The following SLC4A7 variants were observed in gnomAD, a reference collection of about 807,000 sequenced individuals.
SLC4A7 encodes sodium bicarbonate cotransporter 3.
A neutral mutation model predicts 137.6 loss-of-function variants in SLC4A7; 51 were observed. That is an observed-to-expected ratio of 0.37 (90% CI 0.30 to 0.47). The LOEUF is 0.47. Among genes scored for constraint, SLC4A7 ranks in the 20% least tolerant of loss-of-function variants. The pLI is 1.00. For missense variants in SLC4A7, 1,247 were observed against 1,525.4 expected (o/e 0.82, Z 3.04); for synonymous variants, 542 against 518.6 (o/e 1.05, Z -0.61).
chr3:27,454,507 A>G (rs538798146), intron 1 of SLC4A7, among the ~76,000 whole-genome samples: 2 of 152,326 alleles, frequency 1.3e-5, no homozygotes, highest in Admixed American at 1.3e-4. Context: ...AGACAGACAA[A>G]TTAATCAAGC....
At chr3:27,461,197 T>G (rs1378234210) in intron 1 of SLC4A7, among the ~76,000 whole-genome samples, 1 of 125,264 alleles carries the variant, frequency 8.0e-6, no homozygotes, top group African/African-American at 3.0e-5. Flanking sequence ...AATGACAGAT[T>G]CATCCAATTA....
intron 1 of SLC4A7, 136 bp downstream of exon 1, chr3:27,483,931 G>C: frequency 1.7e-6 from 1 of 585,712 alleles, no homozygotes. Context: ...GAGGCGCGCC[G>C]GCCGCCGGGA....
chr3:27,430,045 G>A (rs1241794894), intron 7 of SLC4A7, among the ~76,000 whole-genome samples: 4 of 151,646 alleles, frequency 2.6e-5, no homozygotes, highest in African/African-American at 9.7e-5. Context: ...GCAAGATACC[G>A]TCTCTACAAA....
At chr3:27,394,873 A>T in intron 19 of SLC4A7, 81 bp downstream of exon 19, 2 of 1,537,150 alleles carry the variant, frequency 1.3e-6, no homozygotes, top group Non-Finnish European at 1.8e-6. Flanking sequence ...TTCATCTTAC[A>T]TCTTTTAATG....
intron 1 of SLC4A7, among the ~76,000 whole-genome samples, chr3:27,461,938 G>C (rs2058723228): frequency 6.6e-6 from 1 of 151,938 alleles, no homozygotes; most frequent in Admixed American, 6.6e-5. Context: ...CTCCAGCCTG[G>C]GAAACAGTGC....
Position 27,421,615 on chromosome 3 carries a change from T to C in SLC4A7, c.1424+7A>G. 4.4e-6 allele frequency: 7 copies of C among 1,607,352 alleles called. No individual in the cohort carries two copies. Among genetic ancestry groups the C allele is most frequent in the Non-Finnish European group, 5.1e-6 (6 of 1,176,702 alleles). ...TTAGAGAATGTTACTTGGAACTAAC[T>C]CTTTACCTGGTTGGAACAGGGACCT... On this transcript the variant is annotated splice_region_variant and intron_variant, in intron 9 of 25. Coordinates refer to ENST00000454389, the MANE Select transcript of SLC4A7 (RefSeq NM_001321103.2).
chr3:27,475,771 C>T (rs1381069512), intron 1 of SLC4A7, among the ~76,000 whole-genome samples: 1 of 152,064 alleles, frequency 6.6e-6, no homozygotes, highest in Non-Finnish European at 1.5e-5. Context: ...TAATTAAGGT[C>T]ATTTGGGAAT....
At chr3:27,409,218 G>T in intron 13 of SLC4A7, 138 bp downstream of exon 13, 1 of 601,908 alleles carries the variant, frequency 1.7e-6, no homozygotes, top group Non-Finnish European at 2.8e-6. Context: ...ATTACCTTTG[G>T]GGAAAGTCTG....
intron 7 of SLC4A7, among the ~76,000 whole-genome samples, chr3:27,427,330 T>C (rs200268821): frequency 7.4e-6 from 1 of 135,664 alleles, no homozygotes; most frequent in Non-Finnish European, 1.6e-5. Context: ...TTTTTTTTTT[T>C]ACTTTCCCTA....
intron 15 of SLC4A7, among the ~76,000 whole-genome samples, chr3:27,402,036 C>A (rs766592733): frequency 6.6e-6 from 1 of 152,024 alleles, no homozygotes; most frequent in African/African-American, 2.4e-5. Context: ...GGAAAGGCAG[C>A]GGGGGAAGAA....
intron 7 of SLC4A7, chr3:27,428,180 A>G (rs1052804502): frequency 6.5e-6 from 1 of 153,850 alleles, no homozygotes; most frequent in African/African-American, 2.4e-5. Flanking sequence ...TTTTATGTTC[A>G]GTTACTTCAT....
At chr3:27,421,841 C>G in intron 8 of SLC4A7, 62 bp from the exon 9 acceptor site, 1 of 1,337,456 alleles carries the variant, frequency 7.5e-7, no homozygotes, top group Non-Finnish European at 1.0e-6. Flanking sequence ...TAGAGAGAAA[C>G]AGGAAAGAAA....
chr3:27,425,581 CAGG>C (rs1346816383), intron 7 of SLC4A7, among the ~76,000 whole-genome samples: 4 of 134,424 alleles, frequency 3.0e-5, no homozygotes, highest in African/African-American at 1.1e-4. Flanking sequence ...GAGGCTGAGG[CAGG>C]AGAATTGCTT....
chr3:27,464,843 A>G (rs2058893803), intron 1 of SLC4A7, among the ~76,000 whole-genome samples: 2 of 152,114 alleles, frequency 1.3e-5, no homozygotes, highest in Admixed American at 1.3e-4. Flanking sequence ...GCAGTGGGGG[A>G]AGAGCCTGGC....
In SLC4A7 at chr3:27,484,173, G is replaced by A. The variant is rs1470651216; in HGVS notation, c.-47C>T. The A allele has an allele frequency of 4.8e-6, 6 of 1,252,120 alleles. No individual in the cohort carries two copies. The highest frequency in any genetic ancestry group is 6.6e-5 in the East Asian group (2 of 30,500). The allele number at this position is 1,252,120 out of a possible 1,614,324, so 77.6% of individuals were successfully genotyped here. On this transcript the variant is annotated 5_prime_UTR_variant, in exon 1 of 26. Transcript: ENST00000454389. ...CGGCCGCTACGGTACTGCCCCGCGC[G>A]GTCTGCCTGCTTCTGCCGCTGCCCC...
intron 7 of SLC4A7, 87 bp from the exon 8 acceptor site, chr3:27,424,239 T>C (rs1417534301): frequency 7.6e-6 from 5 of 655,294 alleles, no homozygotes; most frequent in Non-Finnish European, 1.3e-5. Flanking sequence ...TGATGATTTA[T>C]GAATATTATA....
rs555675449 is a variant in SLC4A7, at chr3:27,376,668, A to C, written c.*96T>G. 5.3e-5 allele frequency: 40 copies of C among 749,400 alleles called. No homozygotes were observed. Among genetic ancestry groups the C allele is most frequent in the Non-Finnish European group, 8.9e-5 (40 of 449,784 alleles). 46.4% of individuals were successfully genotyped at this position (749,400 alleles called of 1,614,324 possible). A position where few individuals can be genotyped will look rare whatever the true frequency, so the allele number is the denominator to read the frequency against. ...TTTTAAAAACCCGGTAGTCACACAT[A>C]AACAGCATGACATACAATATTCTTA... On this transcript the variant is annotated 3_prime_UTR_variant, in exon 26 of 26. Transcript: ENST00000454389.
chr3:27,417,313 C>T (rs767613923), intron 11 of SLC4A7, among the ~76,000 whole-genome samples: 10 of 152,058 alleles, frequency 6.6e-5, no homozygotes, highest in South Asian at 6.2e-4. Flanking sequence ...ACATAAAATA[C>T]GCTATCATAA....
chr3:27,397,750 T>C lies in SLC4A7; in HGVS notation c.2637A>G (p.Ile879Met), dbSNP rs374475354. 1.2e-6 allele frequency: 2 copies of C among 1,609,660 alleles called. No homozygotes were observed. Among genetic ancestry groups the C allele is most frequent in the African/African-American group, 1.3e-5 (1 of 74,796 alleles). The stretch of plus-strand genomic sequence containing the variant: ...CTACAAGGTAGTCAATTGTAACCAT[T>C]ATTACTATTGTGAGAAATACAGCAA... Reference protein sequence around the residue: ...SDFAVFLTIVIMVTIDYLVGV... With the variant: ...SDFAVFLTIVMMVTIDYLVGV... Residue 879 changes from isoleucine to methionine, a missense_variant, in exon 18 of 26, where the codon ATA (isoleucine) becomes ATG (methionine). By Grantham distance (10) the Ile-to-Met change is conservative. This residue lies in a region of SLC4A7 where 499 missense variants were observed against 664.2 expected (regional missense o/e 0.75). Coordinates refer to ENST00000454389, the MANE Select transcript of SLC4A7 (RefSeq NM_001321103.2).
Sources: allele counts gnomAD v4.1 joint callset (sites outside exome capture counted in the v4.1 genomes callset), GRCh38; gene constraint gnomAD v4.1.1; regional missense constraint gnomAD v4.1.1; transcripts MANE v1.5; gene names NCBI Gene and HGNC (gene_info 2026-07-23, HGNC 2026-07-21).